The following SLC35F1 variants were observed in gnomAD, a reference collection of about 807,000 sequenced individuals.
SLC35F1 encodes solute carrier family 35 member F1, also known as chromosome 6 open reading frame 169.
SLC35F1 carries 14 observed loss-of-function variants against 48.7 expected under a neutral mutation model. That is an observed-to-expected ratio of 0.29 (90% confidence interval 0.19 to 0.45). The LOEUF (loss-of-function observed/expected upper bound fraction) is 0.45, where lower values mean the gene tolerates loss of function less well. SLC35F1 is among the 20% of genes least tolerant of loss of function. The pLI, the probability that SLC35F1 is intolerant of heterozygous loss-of-function variation, is 1.00. For missense variants in SLC35F1, 404 were observed against 500.0 expected (o/e 0.81, Z 1.83); for synonymous variants, 190 against 202.2 (o/e 0.94, Z 0.51).
chr6:117,999,231 C>G (rs1255661208), intron 1 of SLC35F1: 1 of 1,596,112 alleles, frequency 6.3e-7, no homozygotes, highest in African/African-American at 1.3e-5. Flanking sequence ...CCCAAGATCC[C>G]AAAGGGAGTC....
At chr6:118,205,618 A>G (rs1774925465) in intron 2 of SLC35F1, among the ~76,000 whole-genome samples, 1 of 152,230 alleles carries the variant, frequency 6.6e-6, no homozygotes, top group Non-Finnish European at 1.5e-5. Context: ...TAGAACTACC[A>G]TATGAGCCAA....
At chr6:118,289,829 T>A (rs942391809) in intron 7 of SLC35F1, among the ~76,000 whole-genome samples, 1 of 152,226 alleles carries the variant, frequency 6.6e-6, no homozygotes, top group Non-Finnish European at 1.5e-5. Flanking sequence ...TTATGCATCA[T>A]ATATGCTAAT....
chr6:118,244,998 T>C (rs556401019), intron 3 of SLC35F1, among the ~76,000 whole-genome samples: 3 of 152,282 alleles, frequency 2.0e-5, no homozygotes, highest in Middle Eastern at 6.8e-3. Flanking sequence ...AGGACACAGG[T>C]ATGGAACACT....
intron 1 of SLC35F1, among the ~76,000 whole-genome samples, chr6:118,046,748 G>A (rs1382632504): frequency 6.6e-6 from 1 of 152,090 alleles, no homozygotes; most frequent in African/African-American, 2.4e-5. Context: ...CAAAAACCCA[G>A]TGAGACAGGT....
At chr6:118,313,307 T>C (rs550481000) in intron 7 of SLC35F1, among the ~76,000 whole-genome samples, 1 of 152,306 alleles carries the variant, frequency 6.6e-6, no homozygotes, top group South Asian at 2.1e-4. Context: ...TCCAAAAACA[T>C]ATGTAAATTC....
At chr6:118,031,089 A>G (rs895033996) in intron 1 of SLC35F1, among the ~76,000 whole-genome samples, 6 of 152,316 alleles carry the variant, frequency 3.9e-5, no homozygotes, top group African/African-American at 1.4e-4. Flanking sequence ...CTAGAATGAT[A>G]CATTTGTTAA....
chr6:117,979,424 C>A (rs2114848988), intron 1 of SLC35F1, among the ~76,000 whole-genome samples: 1 of 152,300 alleles, frequency 6.6e-6, no homozygotes, highest in East Asian at 1.9e-4. Context: ...GCAGGTATAG[C>A]TTAAGGATTG....
intron 1 of SLC35F1, among the ~76,000 whole-genome samples, chr6:118,046,989 T>A (rs1490263333): frequency 6.6e-6 from 1 of 152,164 alleles, no homozygotes; most frequent in African/African-American, 2.4e-5. Flanking sequence ...GTCTTCTGAT[T>A]TCACTGAGCC....
chr6:118,094,963 G>A (rs1336667121), intron 1 of SLC35F1, among the ~76,000 whole-genome samples: 19 of 125,682 alleles, frequency 1.5e-4, no homozygotes, highest in South Asian at 2.9e-4. Context: ...GCGAGACTCC[G>A]TCTAAAAAAA....
intron 1 of SLC35F1, among the ~76,000 whole-genome samples, chr6:117,983,170 C>G (rs56183621): frequency 6.6e-6 from 1 of 152,240 alleles, no homozygotes; most frequent in African/African-American, 2.4e-5. Context: ...ATAGACTTGT[C>G]ATTGTATTCC....
intron 1 of SLC35F1, among the ~76,000 whole-genome samples, chr6:117,930,189 G>C (rs193116400): frequency 2.6e-5 from 4 of 152,254 alleles, no homozygotes; most frequent in Admixed American, 2.6e-4. Flanking sequence ...AGCAAACATG[G>C]CAATTTATTG....
chr6:117,967,876 ACT>A (rs1776591252), intron 1 of SLC35F1, among the ~76,000 whole-genome samples: 1 of 152,154 alleles, frequency 6.6e-6, no homozygotes, highest in African/African-American at 2.4e-5. Context: ...TGTTTCAGAA[ACT>A]CTCTTGTAAG....
At chr6:117,972,889 T>C (rs1385217425) in intron 1 of SLC35F1, among the ~76,000 whole-genome samples, 1 of 152,200 alleles carries the variant, frequency 6.6e-6, no homozygotes, top group African/African-American at 2.4e-5. Flanking sequence ...CATAGGCAAG[T>C]ACCTAGATGC....
intron 1 of SLC35F1, among the ~76,000 whole-genome samples, chr6:118,101,521 CTGTACT>C (rs1182574983): frequency 6.6e-6 from 1 of 152,172 alleles, no homozygotes; most frequent in Non-Finnish European, 1.5e-5. Flanking sequence ...GAACTGAAGA[CTGTACT>C]TGCAAATAAT....
chr6:118,233,421 C>T (rs760290518), intron 2 of SLC35F1, among the ~76,000 whole-genome samples: 3 of 152,270 alleles, frequency 2.0e-5, no homozygotes, highest in African/African-American at 7.2e-5. Context: ...AATGATCTGG[C>T]GGTGAAGAAC....
intron 2 of SLC35F1, among the ~76,000 whole-genome samples, chr6:118,173,306 T>A (rs988973248): frequency 2.0e-5 from 3 of 151,706 alleles, no homozygotes; most frequent in Non-Finnish European, 4.4e-5. Flanking sequence ...AAATTTCATT[T>A]GTAGGAGGAA....
intron 4 of SLC35F1, among the ~76,000 whole-genome samples, chr6:118,274,644 C>T (rs886136639): frequency 3.9e-5 from 6 of 152,194 alleles, no homozygotes; most frequent in Admixed American, 1.3e-4. Flanking sequence ...GTGATCCACC[C>T]GCCTCGGCCT....
At chr6:118,190,195 C>T (rs1336146989) in intron 2 of SLC35F1, among the ~76,000 whole-genome samples, 3 of 152,160 alleles carry the variant, frequency 2.0e-5, no homozygotes, top group Non-Finnish European at 4.4e-5. Flanking sequence ...TTGGAACCCA[C>T]TGGGAAACAG....
Position 118,036,910 on chromosome 6 carries a change from T to C in SLC35F1, c.174-117535T>C, listed in dbSNP as rs548822299. 5.9e-5 allele frequency among the ~76,000 whole-genome samples: 9 copies of C among 152,320 alleles called. No homozygotes were observed. The South Asian group carries it at 1.0e-3, about 18-fold the overall frequency. ...CTATCAATTTCTGAAAGAGGGGTGT[T>C]ATGACCTCTAACTGTGATTTTGGAA... On this transcript the variant is annotated intron_variant, in intron 1 of 7. Transcript: ENST00000360388.
Sources: gnomAD v4.1 joint callset for allele counts (sites outside exome capture counted in the v4.1 genomes callset) on GRCh38, gnomAD v4.1.1 for gene constraint, MANE v1.5 for transcripts, NCBI Gene and HGNC (gene_info 2026-07-23, HGNC 2026-07-21) for gene names.